Variants in RIMS2 observed in about 807,000 individuals in gnomAD.
The protein encoded by RIMS2 is regulating synaptic membrane exocytosis protein 2.
In RIMS2, 59 loss-of-function variants were observed where a neutral mutation model predicts 174.4. That is an observed-to-expected ratio of 0.34 (90% CI 0.27 to 0.42). RIMS2 has a LOEUF of 0.42. RIMS2 is among the 10% of genes least tolerant of loss of function. RIMS2 has a pLI of 1.00. For synonymous variants in RIMS2, 606 were observed against 572.5 expected, an observed-to-expected ratio of 1.06 and a Z score of -0.84; for missense variants, 1,620 against 1,666.3, an observed-to-expected ratio of 0.97 and a Z score of 0.48.
At chr8:104,166,785 C>A (rs1056448459) in intron 19 of RIMS2, among the ~76,000 whole-genome samples, 31 of 151,720 alleles carry the variant, frequency 2.0e-4, no homozygotes, top group Admixed American at 7.9e-4. Flanking sequence ...ATATCCCAAC[C>A]TTCCCTTCTG....
intron 3 of RIMS2, among the ~76,000 whole-genome samples, chr8:103,830,109 T>A (rs2098816563): frequency 1.3e-5 from 2 of 152,152 alleles, no homozygotes; most frequent in Non-Finnish European, 2.9e-5. Flanking sequence ...TATTCTGATA[T>A]TGTTATTTTG....
At chr8:103,641,596 A>G (rs1012160953) in intron 1 of RIMS2, among the ~76,000 whole-genome samples, 4 of 151,964 alleles carry the variant, frequency 2.6e-5, no homozygotes, top group African/African-American at 9.7e-5. Context: ...GGTCCCTAGT[A>G]TGGTAGTGTT....
intron 1 of RIMS2, among the ~76,000 whole-genome samples, chr8:103,631,381 G>T (rs61300996): frequency 6.6e-6 from 1 of 152,062 alleles, no homozygotes; most frequent in East Asian, 1.9e-4. Context: ...CATTTATTGC[G>T]TAGAGATTCT....
chr8:103,826,708 T>TATATAC (rs2098793204), intron 3 of RIMS2, among the ~76,000 whole-genome samples: 1 of 149,510 alleles, frequency 6.7e-6, no homozygotes, highest in Non-Finnish European at 1.5e-5. Flanking sequence ...ATGTATATAT[T>TATATAC]ATATACATAT....
intron 1 of RIMS2, among the ~76,000 whole-genome samples, chr8:103,570,431 A>G (rs1236057051): frequency 6.6e-6 from 1 of 152,190 alleles, no homozygotes; most frequent in Admixed American, 6.5e-5. Context: ...ACTCACATGC[A>G]TATTGAATGT....
At chr8:103,567,211 G>A (rs2092430607) in intron 1 of RIMS2, among the ~76,000 whole-genome samples, 1 of 151,934 alleles carries the variant, frequency 6.6e-6, no homozygotes, top group Non-Finnish European at 1.5e-5. Context: ...TTACCGTATG[G>A]CATTTGGTAC....
At chr8:103,527,295 G>T (rs1834521377) in intron 1 of RIMS2, among the ~76,000 whole-genome samples, 1 of 152,172 alleles carries the variant, frequency 6.6e-6, no homozygotes, top group Non-Finnish European at 1.5e-5. Flanking sequence ...ACCCCTTGCA[G>T]ATACCCAAAT....
rs1174046728 is a variant in RIMS2 at position 104,086,638 on chromosome 8, G to T, written c.3334+72023G>T. On this transcript the variant is annotated intron_variant, in intron 19 of 23. Coordinates refer to ENST00000504942, the Ensembl canonical transcript of RIMS2. ...TTTCCTTCATATCAAGCGACAGCTG[G>T]TTCATTAGTAAGTCTTGGCATACAT... Among the ~76,000 whole-genome samples, 3 of 152,130 alleles carry T rather than the reference G, an allele frequency of 2.0e-5. No individual in the cohort carries two copies. The East Asian group carries it at 5.8e-4, about 29-fold the overall frequency.
intron 19 of RIMS2, among the ~76,000 whole-genome samples, chr8:104,233,172 T>C (rs2099240587): frequency 6.6e-6 from 1 of 152,188 alleles, no homozygotes; most frequent in South Asian, 2.1e-4. Flanking sequence ...CCAATATCCA[T>C]GCATTCTCTT....
chr8:104,248,663 G>A (rs771699886), intron 20 of RIMS2, 38 bp from the exon 27 acceptor site: 1 of 1,046,508 alleles, frequency 9.6e-7, no homozygotes, highest in South Asian at 1.3e-5. Flanking sequence ...AATAAATAGG[G>A]GTTGGGGATT....
intron 3 of RIMS2, among the ~76,000 whole-genome samples, chr8:103,871,105 C>A (rs2099109327): frequency 6.6e-6 from 1 of 152,038 alleles, no homozygotes; most frequent in South Asian, 2.1e-4. Context: ...ATAAATAATT[C>A]CAATAGAAAA....
At chr8:104,160,560 A>G (rs1217462911) in intron 19 of RIMS2, among the ~76,000 whole-genome samples, 1 of 152,220 alleles carries the variant, frequency 6.6e-6, no homozygotes, top group Non-Finnish European at 1.5e-5. Flanking sequence ...ATTTATATCT[A>G]CAGCTACAAA....
rs528368040 is a variant in RIMS2, at chr8:103,982,259, C to T, written c.2927+6753C>T. On this transcript the variant is annotated intron_variant, in intron 16 of 23. Coordinates refer to ENST00000504942, the Ensembl canonical transcript of RIMS2. ...CAAGATCAAAGCCATAATGAACAGT[C>T]TCCCAGTAAAGAAAAGCCTGAACCC... is the stretch of plus-strand genomic sequence containing the variant. 3.9e-5 allele frequency among the ~76,000 whole-genome samples: 6 copies of T among 152,094 alleles called. No individual in the cohort carries two copies. The East Asian group carries it at 1.2e-3, about 29-fold the overall frequency.
rs12677114 is a variant in RIMS2 at position 103,583,840 on chromosome 8, G to A, written c.176+82778G>A. On this transcript the variant is annotated intron_variant, in intron 1 of 23. Coordinates refer to ENST00000504942, the Ensembl canonical transcript of RIMS2. ...TCCTTAAAGAGGAGGTAGGTAGATA[G>A]GTGTAGAAAGTTAATTCAAAGGGTA... is the stretch of plus-strand genomic sequence containing the variant. Among the ~76,000 whole-genome samples, 1,485 of 152,306 alleles carry A rather than the reference G, an allele frequency of 9.8e-3. 21 individuals are homozygous for A. Among genetic ancestry groups the A allele is most frequent in the South Asian group, 0.049 (236 of 4,822 alleles).
chr8:103,586,263 C>T (rs2093915914), intron 1 of RIMS2, among the ~76,000 whole-genome samples: 1 of 152,140 alleles, frequency 6.6e-6, no homozygotes, highest in African/African-American at 2.4e-5. Flanking sequence ...TATTTATTTA[C>T]AGAGCATTTT....
At chr8:104,146,533 T>C (rs1345555422) in intron 19 of RIMS2, among the ~76,000 whole-genome samples, 1 of 152,236 alleles carries the variant, frequency 6.6e-6, no homozygotes, top group East Asian at 1.9e-4. Context: ...TAGTATTTTA[T>C]TGTAGTGTCT....
intron 1 of RIMS2, among the ~76,000 whole-genome samples, chr8:103,663,313 G>A (rs547688879): frequency 2.0e-5 from 3 of 152,228 alleles, no homozygotes; most frequent in East Asian, 3.9e-4. Flanking sequence ...TAGAAATAAA[G>A]GGTATTCAGT....
At chr8:103,810,024 A>G (rs2098676699) in intron 3 of RIMS2, among the ~76,000 whole-genome samples, 2 of 152,278 alleles carry the variant, frequency 1.3e-5, no homozygotes, top group South Asian at 4.2e-4. Flanking sequence ...CTTCTGCATA[A>G]TTCAGTCTTC....
chr8:104,077,499 T>C (rs1024291702), intron 19 of RIMS2, among the ~76,000 whole-genome samples: 1 of 151,676 alleles, frequency 6.6e-6, no homozygotes, highest in Non-Finnish European at 1.5e-5. Context: ...AATTTTTTTC[T>C]ACCCAAAATT....
Sources: allele counts gnomAD v4.1 joint callset (sites outside exome capture counted in the v4.1 genomes callset), GRCh38; gene constraint gnomAD v4.1.1; transcripts MANE v1.5; gene names NCBI Gene and HGNC (gene_info 2026-07-23, HGNC 2026-07-21).